SLIT2: variants seen among roughly 807,000 people sequenced by gnomAD.
SLIT2 encodes slit guidance ligand 2.
SLIT2 carries 41 observed loss-of-function variants against 185.7 expected under a neutral mutation model. The observed-to-expected ratio is 0.22, with a 90% CI of 0.17 to 0.29. SLIT2 has a LOEUF of 0.29. Ranked by LOEUF, SLIT2 falls within the 10% of genes least tolerant of loss-of-function variation. The probability of loss-of-function intolerance (pLI) is 1.00; values close to 1 mark genes in which losing one functional copy is unlikely to be tolerated. For synonymous variants in SLIT2, 693 were observed against 680.2 expected, an observed-to-expected ratio of 1.02 and a Z score of -0.29; for missense variants, 1,571 against 1,909.0, an observed-to-expected ratio of 0.82 and a Z score of 3.30.
chr4:20,472,286 A>ATATCTATATATATC (rs1715209098), intron 5 of SLIT2, among the ~76,000 whole-genome samples: 11 of 14,688 alleles, frequency 7.5e-4, no homozygotes, highest in Middle Eastern at 0.083. Flanking sequence ...CTATATATAT[A>ATATCTATATATATC]GATATATAGA....
chr4:20,573,108 C>T, intron 29 of SLIT2: 1 of 682,040 alleles, frequency 1.5e-6, no homozygotes. Context: ...GAAATCCAAG[C>T]CTTGCTTCAG....
In SLIT2 at chr4:20,584,495, C is replaced by T. The variant is rs59540003; in HGVS notation, c.3089-5149C>T. 0.02 allele frequency among the ~76,000 whole-genome samples: 2,985 copies of T among 152,278 alleles called. 179 individuals carry two copies. The East Asian group carries it at 0.21, about 11-fold the overall frequency. ...ACTATTGACAATTACGTTGGGACAACGGGTATAAACCAGGACGGTTGTACA... is the reference window on the plus strand; with the variant it reads ...ACTATTGACAATTACGTTGGGACAATGGGTATAAACCAGGACGGTTGTACA... On this transcript the variant is annotated intron_variant, in intron 29 of 36. Coordinates refer to ENST00000504154, the MANE Select transcript of SLIT2 (RefSeq NM_004787.4).
chr4:20,604,704 C>CAAGAATACTT (rs1342945172), intron 33 of SLIT2, among the ~76,000 whole-genome samples: 1 of 151,964 alleles, frequency 6.6e-6, no homozygotes, highest in East Asian at 1.9e-4. Context: ...AAGAGATAGG[C>CAAGAATACTT]AAGAATACTT....
intron 29 of SLIT2, among the ~76,000 whole-genome samples, chr4:20,588,011 T>C (rs1461276112): frequency 6.6e-6 from 1 of 152,200 alleles, no homozygotes; most frequent in Non-Finnish European, 1.5e-5. Flanking sequence ...CTCCATCAGA[T>C]AGATTTGGTT....
chr4:20,409,939 T>C (rs755954289), intron 4 of SLIT2, among the ~76,000 whole-genome samples: 28 of 152,212 alleles, frequency 1.8e-4, no homozygotes, highest in Non-Finnish European at 3.8e-4. Flanking sequence ...GTAAGTTTTT[T>C]TAAGTTATTT....
At chr4:20,456,719 C>T (rs1182225945) in intron 4 of SLIT2, among the ~76,000 whole-genome samples, 1 of 152,086 alleles carries the variant, frequency 6.6e-6, no homozygotes, top group East Asian at 1.9e-4. Flanking sequence ...GGTTAGTATC[C>T]ATGCTATGTT....
intron 4 of SLIT2, among the ~76,000 whole-genome samples, chr4:20,406,056 C>T (rs1019720794): frequency 8.4e-5 from 12 of 143,000 alleles, no homozygotes; most frequent in African/African-American, 2.4e-4. Context: ...CTTTCCCTGC[C>T]TTAAGGAAAT....
intron 4 of SLIT2, among the ~76,000 whole-genome samples, chr4:20,364,994 G>T (rs1297159359): frequency 6.6e-6 from 1 of 152,020 alleles, no homozygotes; most frequent in Non-Finnish European, 1.5e-5. Flanking sequence ...TCCTTAGCAT[G>T]ATTTTTCAGA....
At chr4:20,403,002 A>ATCAT (rs1048441551) in intron 4 of SLIT2, among the ~76,000 whole-genome samples, 7 of 151,848 alleles carry the variant, frequency 4.6e-5, no homozygotes, top group African/African-American at 1.7e-4. Context: ...GCATTTAATA[A>ATCAT]TCATATCAAA....
At chr4:20,330,997 C>A (rs1199416516) in intron 4 of SLIT2, among the ~76,000 whole-genome samples, 2 of 152,070 alleles carry the variant, frequency 1.3e-5, no homozygotes, top group Non-Finnish European at 2.9e-5. Context: ...AATAAACCAA[C>A]AGACAAATAT....
At chr4:20,417,446 A>G (rs1478248155) in intron 4 of SLIT2, among the ~76,000 whole-genome samples, 4 of 145,182 alleles carry the variant, frequency 2.8e-5, no homozygotes, top group Non-Finnish European at 6.0e-5. Flanking sequence ...GTATATATAT[A>G]TATATATATA....
chr4:20,307,079 A>C (rs1170512854), intron 4 of SLIT2, among the ~76,000 whole-genome samples: 16 of 88,742 alleles, frequency 1.8e-4, no homozygotes, highest in East Asian at 3.7e-4. Flanking sequence ...CCATGCCTCC[A>C]TCCCTCCACC....
intron 30 of SLIT2, among the ~76,000 whole-genome samples, chr4:20,595,413 G>T (rs1727893433): frequency 6.6e-6 from 1 of 152,002 alleles, no homozygotes; most frequent in African/African-American, 2.4e-5. Context: ...GGAGGAGAGT[G>T]GGTGGGAGGG....
chr4:20,536,316 G>C (rs1352135872), intron 18 of SLIT2, among the ~76,000 whole-genome samples: 1 of 152,088 alleles, frequency 6.6e-6, no homozygotes, highest in Non-Finnish European at 1.5e-5. Flanking sequence ...AGCACTTTGG[G>C]AGGCCAAGGC....
intron 34 of SLIT2, among the ~76,000 whole-genome samples, chr4:20,612,245 G>GAAAAAAAAA (rs139866324): frequency 1.8e-5 from 1 of 56,236 alleles, no homozygotes; most frequent in African/African-American, 7.8e-5. Flanking sequence ...ACTATCTCAA[G>GAAAAAAAAA]AAAAAAAAAA....
intron 29 of SLIT2, among the ~76,000 whole-genome samples, chr4:20,586,098 A>T (rs768636371): frequency 6.6e-6 from 1 of 152,166 alleles, no homozygotes; most frequent in African/African-American, 2.4e-5. Context: ...TTCCCTTCTT[A>T]TATTGAGCTC....
At chr4:20,258,259 G>A (rs1305305911) in intron 3 of SLIT2, among the ~76,000 whole-genome samples, 2 of 151,742 alleles carry the variant, frequency 1.3e-5, no homozygotes, top group Admixed American at 6.6e-5. Flanking sequence ...TAGGAAGAAA[G>A]GTGGTACTTT....
chr4:20,539,011 TC>T (rs1722565342), intron 18 of SLIT2, among the ~76,000 whole-genome samples: 2 of 152,176 alleles, frequency 1.3e-5, no homozygotes, highest in African/African-American at 4.8e-5. Flanking sequence ...CCTCAGTTCT[TC>T]ATCTGCAGTG....
At chr4:20,417,675 A>G (rs1320965429) in intron 4 of SLIT2, among the ~76,000 whole-genome samples, 1 of 151,430 alleles carries the variant, frequency 6.6e-6, no homozygotes, top group Non-Finnish European at 1.5e-5. Flanking sequence ...GCGCACCACC[A>G]CGCCCAGCTA....
Sources: allele counts gnomAD v4.1 joint callset (sites outside exome capture counted in the v4.1 genomes callset), GRCh38; gene constraint gnomAD v4.1.1; transcripts MANE v1.5; gene names NCBI Gene and HGNC (gene_info 2026-07-23, HGNC 2026-07-21).